RNF20: variants seen among roughly 807,000 people sequenced by gnomAD.
The protein encoded by RNF20 is E3 ubiquitin-protein ligase BRE1A.
RNF20 carries 84 observed loss-of-function variants against 126.2 expected under a neutral mutation model. The observed-to-expected ratio is 0.67, with a 90% CI of 0.56 to 0.80. The LOEUF is 0.80. Ranked by LOEUF, RNF20 falls within the 30% of genes least tolerant of loss-of-function variation. The pLI is 0.00. For synonymous variants in RNF20, 400 were observed against 414.3 expected (o/e 0.97, Z 0.42); for missense variants, 869 against 1,188.2 (o/e 0.73, Z 3.95).
At chr9:101,544,954 G>A in intron 6 of RNF20, 69 bp downstream of exon 6, 2 of 956,118 alleles carry the variant, frequency 2.1e-6, no homozygotes, top group Non-Finnish European at 1.7e-6. Flanking sequence ...ACAATTCTGA[G>A]CACCTCAAAG....
At chr9:101,549,420 T>C (rs1283212741) in intron 9 of RNF20, among the ~76,000 whole-genome samples, 1 of 152,174 alleles carries the variant, frequency 6.6e-6, no homozygotes, top group Non-Finnish European at 1.5e-5. Context: ...TACTGCTATC[T>C]AGAAGGCAGA....
At chr9:101,562,174 G>T in intron 19 of RNF20, 72 bp from the exon 20 acceptor site, 4 of 1,494,078 alleles carry the variant, frequency 2.7e-6, no homozygotes, top group Non-Finnish European at 3.7e-6. Context: ...CTTCTTGGTT[G>T]TGTAGTATAT....
At position 101,547,587 on chromosome 9, in the gene RNF20, T is replaced by G. The variant is rs1827373360; in HGVS notation, c.1092+69T>G. On this transcript the variant is annotated intron_variant, in intron 9 of 19. Transcript: ENST00000389120. Reference sequence around the variant, plus strand: ...TGATCAACTCACGTATATACATAGTTGTGAATCTGCGTATTCATGAGGGAT... The same window carrying G: ...TGATCAACTCACGTATATACATAGTGGTGAATCTGCGTATTCATGAGGGAT... 4.5e-6 allele frequency: 7 copies of G among 1,560,654 alleles called. No individual in the cohort carries two copies. The Admixed American group carries it at 1.3e-4, about 28-fold the overall frequency.
Position 101,540,382 on chromosome 9 carries a change from G to A in RNF20, c.297+12G>A. 6.2e-7 allele frequency: 1 copy of A among 1,613,782 alleles called. No individual in the cohort carries two copies. Among genetic ancestry groups the A allele is most frequent in the Non-Finnish European group, 8.5e-7 (1 of 1,179,728 alleles). On this transcript the variant is annotated intron_variant, in intron 3 of 19. Coordinates refer to ENST00000389120, the MANE Select transcript of RNF20 (RefSeq NM_019592.7). ...GATACTGGAGTCAGGTAGCTAACTTGTTTATTTGTTCAGATTTTTATTTGA... is the reference window on the plus strand; with the variant it reads ...GATACTGGAGTCAGGTAGCTAACTTATTTATTTGTTCAGATTTTTATTTGA...
At chr9:101,554,220 T>G (rs1827493219) in intron 14 of RNF20, 115 bp downstream of exon 14, 3 of 615,712 alleles carry the variant, frequency 4.9e-6, no homozygotes, top group Non-Finnish European at 8.5e-6. Flanking sequence ...AGTGTTTAAG[T>G]GCAACATTTT....
intron 9 of RNF20, among the ~76,000 whole-genome samples, chr9:101,548,001 T>G (rs571927496): frequency 6.6e-6 from 1 of 152,100 alleles, no homozygotes; most frequent in Non-Finnish European, 1.5e-5. Context: ...ACAAAAACAA[T>G]TGTGTGTCTA....
rs1279302397 is a variant in RNF20, at chr9:101,540,574, G to T, written c.382G>T (p.Val128Phe). ...GDLLTERKAL[V>F]VPEPEPDSDS... ...CCTACTCACAGAACGAAAAGCCCTT[G>T]TTGTGCCTGAACCAGAACCAGACTC... Residue 128 changes from valine to phenylalanine, a missense_variant, in exon 4 of 20, where the codon GTT becomes TTT. Val to Phe is a conservative substitution (Grantham distance 50). Coordinates refer to ENST00000389120, the MANE Select transcript of RNF20 (RefSeq NM_019592.7). The T allele has an allele frequency of 1.2e-6, 2 of 1,614,112 alleles. No individual in the cohort carries two copies. The highest frequency in any genetic ancestry group is 1.7e-6 in the Non-Finnish European group (2 of 1,180,020).
Position 101,535,414 on chromosome 9 carries a change from T to G in RNF20, c.-10T>G. ...TTCTATCAGGAAAACGACTGTCTTC[T>G]TCTGCCAAAATGTCAGGAATTGGAA... On this transcript the variant is annotated 5_prime_UTR_variant, in exon 2 of 20. Transcript: ENST00000389120. 6.2e-7 allele frequency: 1 copy of G among 1,611,574 alleles called. No homozygotes were observed. Among genetic ancestry groups the G allele is most frequent in the Non-Finnish European group, 8.5e-7 (1 of 1,179,312 alleles).
Position 101,554,069 on chromosome 9 carries a change from T to A in RNF20, c.1983T>A (p.Val661=), listed in dbSNP as rs1341049521. 2 of 1,612,716 alleles carry A rather than the reference T, an allele frequency of 1.2e-6. No homozygotes were observed. The highest frequency in any genetic ancestry group is 1.7e-6 in the Non-Finnish European group (2 of 1,178,788). ...CCCCAAAGGAACAGAGAGACAAAGT[T>A]CAGCTGATGGCAGCTGAGAAGAAGT... ...RSAPKEQRDK[V]QLMAAEKKSK... Residue 661 remains valine (V), a synonymous_variant, in exon 14 of 20, where the codon GTT becomes GTA. Coordinates refer to ENST00000389120, the MANE Select transcript of RNF20 (RefSeq NM_019592.7).
chr9:101,550,803 T>C lies in RNF20; in HGVS notation c.1272+18T>C. On this transcript the variant is annotated intron_variant, in intron 10 of 19. Transcript: ENST00000389120. ...TTATTGAGGTAATAGCCTTGCCTTGTCTTTTGTATGTAAGCTTTCTTGCCT... is the reference window on the plus strand; with the variant it reads ...TTATTGAGGTAATAGCCTTGCCTTGCCTTTTGTATGTAAGCTTTCTTGCCT... 6.2e-7 allele frequency: 1 copy of C among 1,611,970 alleles called. No homozygotes were observed.
intron 5 of RNF20, among the ~76,000 whole-genome samples, chr9:101,541,270 T>C (rs1257589222): frequency 6.6e-6 from 1 of 152,174 alleles, no homozygotes; most frequent in African/African-American, 2.4e-5. Flanking sequence ...GAAGTCTTGC[T>C]ATGTTGCCCA....
At chr9:101,547,623 T>A in intron 9 of RNF20, 105 bp downstream of exon 9, 1 of 1,319,696 alleles carries the variant, frequency 7.6e-7, no homozygotes. Flanking sequence ...AAGAAAAATG[T>A]AGACAAAATC....
intron 11 of RNF20, 104 bp downstream of exon 11, chr9:101,551,923 C>A: frequency 7.4e-7 from 1 of 1,353,844 alleles, no homozygotes; most frequent in Non-Finnish European, 1.0e-6. Flanking sequence ...ACTCAGAAGT[C>A]ATAAGTACCT....
At chr9:101,536,710 A>G (rs1245286756) in intron 2 of RNF20, among the ~76,000 whole-genome samples, 1 of 152,206 alleles carries the variant, frequency 6.6e-6, no homozygotes, top group Admixed American at 6.5e-5. Context: ...TAGACTGTTT[A>G]GAGTGGGGTA....
Position 101,546,843 on chromosome 9 carries a change from G to A in RNF20, c.771G>A (p.Val257=). The A allele has an allele frequency of 1.2e-6, 2 of 1,614,146 alleles. No individual in the cohort carries two copies. Among genetic ancestry groups the A allele is most frequent in the Non-Finnish European group, 1.7e-6 (2 of 1,179,996 alleles). ...AGTTCTCCAAGTTGCAGAGTAAAGTGGAGACAGCCGAATCACGAGTGTCTG... is the reference window on the plus strand; with the variant it reads ...AGTTCTCCAAGTTGCAGAGTAAAGTAGAGACAGCCGAATCACGAGTGTCTG... ...SQEFSKLQSK[V]ETAESRVSVL... is the part of the protein sequence containing the mutation. The change falls in exon 7 of 20, where the codon GTG becomes GTA. Residue 257 remains valine, a synonymous_variant. Coordinates refer to ENST00000389120, the MANE Select transcript of RNF20 (RefSeq NM_019592.7).
chr9:101,563,122 T>C lies in RNF20; in HGVS notation c.*700T>C, dbSNP rs545342134. ...TTAAATAATATGACCCTTTGTCTTC[T>C]AATGAAATAAAGATTGAAGAGGTTG... On this transcript the variant is annotated 3_prime_UTR_variant, in exon 20 of 20. Transcript: ENST00000389120. 4 of 152,676 alleles carry C rather than the reference T, an allele frequency of 2.6e-5. No homozygotes were observed. Among genetic ancestry groups the C allele is most frequent in the Admixed American group, 6.5e-5 (1 of 15,300 alleles). The allele number at this position is 152,676 out of a possible 1,614,324, so 9.5% of individuals were successfully genotyped here.
At chr9:101,538,915 C>T (rs1250408271) in intron 2 of RNF20, among the ~76,000 whole-genome samples, 1 of 152,052 alleles carries the variant, frequency 6.6e-6, no homozygotes, top group Non-Finnish European at 1.5e-5. Flanking sequence ...CTGGTTTGTC[C>T]TAGGGAAGGA....
Position 101,553,988 on chromosome 9 carries a change from G to T in RNF20, c.1902G>T (p.Lys634Asn). 6.3e-7 allele frequency: 1 copy of T among 1,580,738 alleles called. No individual in the cohort carries two copies. Among genetic ancestry groups the T allele is most frequent in the South Asian group, 1.1e-5 (1 of 90,160 alleles). ...CCTCCCTCTACTACGCCTGTCATAGGAAGGCACAGGAGAGCCAAAAGGAGA... is the reference window on the plus strand; with the variant it reads ...CCTCCCTCTACTACGCCTGTCATAGTAAGGCACAGGAGAGCCAAAAGGAGA... ...EIIKQLKIEL[K>N]KAQESQKEMK... Residue 634 changes from lysine (K) to asparagine (N), a missense_variant and splice_region_variant, in exon 14 of 20, where the codon AAG (lysine) becomes AAT (asparagine). By Grantham distance (94) the Lys-to-Asn change is moderately conservative. This residue lies in a region of RNF20 where 231 missense variants were observed against 263.6 expected (regional missense o/e 0.88). Coordinates refer to ENST00000389120, the MANE Select transcript of RNF20 (RefSeq NM_019592.7).
chr9:101,557,870 A>G (rs987951110), intron 16 of RNF20, among the ~76,000 whole-genome samples: 3 of 152,164 alleles, frequency 2.0e-5, no homozygotes, highest in African/African-American at 4.8e-5. Flanking sequence ...TTTTTGCGTT[A>G]AAGTATATGT....
Sources: gnomAD v4.1 joint callset for allele counts (sites outside exome capture counted in the v4.1 genomes callset) on GRCh38, gnomAD v4.1.1 for gene constraint, gnomAD v4.1.1 regional missense constraint, MANE v1.5 for transcripts, NCBI Gene and HGNC (gene_info 2026-07-23, HGNC 2026-07-21) for gene names.